ILDR1: variants seen among roughly 807,000 people sequenced by gnomAD.
ILDR1 encodes the protein immunoglobulin like domain containing receptor 1.
Under a neutral mutation model 62.4 loss-of-function variants are expected in ILDR1, and 56 were observed. The ratio of observed to expected loss-of-function variants is 0.90; its 90% CI spans 0.72 to 1.12. The LOEUF (loss-of-function observed/expected upper bound fraction) is 1.12, where lower values mean the gene tolerates loss of function less well. Ranked by LOEUF, ILDR1 falls within the 50% of genes most tolerant of loss-of-function variation. The pLI is 0.00. For missense variants in ILDR1, 736 were observed against 710.6 expected (o/e 1.04, Z -0.41); for synonymous variants, 284 against 277.8 (o/e 1.02, Z -0.22).
the ILDR1 span, among the ~76,000 whole-genome samples, chr3:122,041,874 C>G: frequency 1.3e-5 from 2 of 149,324 alleles, no homozygotes; most frequent in Non-Finnish European, 1.5e-5. Flanking sequence ...AATGTTACTT[C>G]TTCCTTTCCA....
intron 1 of ILDR1, among the ~76,000 whole-genome samples, chr3:122,020,087 G>T (rs2071834229): frequency 6.6e-6 from 1 of 152,166 alleles, no homozygotes; most frequent in Admixed American, 6.5e-5. Context: ...TGTTACTATA[G>T]CTCACATTTC....
At chr3:121,996,893 T>G (rs951662782) in intron 5 of ILDR1, among the ~76,000 whole-genome samples, 3 of 152,170 alleles carry the variant, frequency 2.0e-5, no homozygotes, top group Non-Finnish European at 4.4e-5. Context: ...TTTTGTTTTT[T>G]TTGTTGTTGT....
chr3:122,009,090 T>C (rs2071663803), intron 1 of ILDR1, among the ~76,000 whole-genome samples: 1 of 151,886 alleles, frequency 6.6e-6, no homozygotes, highest in Non-Finnish European at 1.5e-5. Flanking sequence ...TGCACCACCA[T>C]GCCTGACTTT....
At chr3:122,011,819 A>G (rs2071708660) in intron 1 of ILDR1, among the ~76,000 whole-genome samples, 1 of 151,852 alleles carries the variant, frequency 6.6e-6, no homozygotes, top group Admixed American at 6.6e-5. Context: ...TGGTCTCTAA[A>G]TCTCACAAAC....
At chr3:122,047,350 C>T in the ILDR1 span, among the ~76,000 whole-genome samples, 2 of 152,240 alleles carry the variant, frequency 1.3e-5, no homozygotes, top group South Asian at 2.1e-4. Context: ...CTTAAGTCTG[C>T]AGAGGTTACT....
At chr3:122,017,895 G>C (rs2071798891) in intron 1 of ILDR1, among the ~76,000 whole-genome samples, 1 of 152,206 alleles carries the variant, frequency 6.6e-6, no homozygotes, top group African/African-American at 2.4e-5. Context: ...GGAAACAACA[G>C]ATGCGGGAGA....
chr3:121,999,756 G>A (rs1408415961), intron 5 of ILDR1, among the ~76,000 whole-genome samples: 4 of 152,204 alleles, frequency 2.6e-5, no homozygotes, highest in East Asian at 1.9e-4. Flanking sequence ...TGGCCATGAC[G>A]GGATGGGAGG....
the ILDR1 span, among the ~76,000 whole-genome samples, chr3:122,028,286 C>T: frequency 7.5e-5 from 11 of 147,444 alleles, no homozygotes; most frequent in East Asian, 4.0e-4. Context: ...CAGTGAGCCG[C>T]GATCGCACCA....
chr3:121,999,215 T>C (rs1411846784), intron 5 of ILDR1, among the ~76,000 whole-genome samples: 1 of 152,196 alleles, frequency 6.6e-6, no homozygotes, highest in Non-Finnish European at 1.5e-5. Flanking sequence ...AAAATTTCCT[T>C]TCAAATGGAT....
the ILDR1 span, among the ~76,000 whole-genome samples, chr3:122,042,698 CT>C: frequency 6.6e-6 from 1 of 152,200 alleles, no homozygotes. Flanking sequence ...TGTTTCTTGG[CT>C]GCATAAATGT....
the ILDR1 span, among the ~76,000 whole-genome samples, chr3:122,054,784 T>G: frequency 1.3e-4 from 20 of 152,226 alleles, no homozygotes. Flanking sequence ...GGACATCTAT[T>G]AATTTTATAA....
the ILDR1 span, among the ~76,000 whole-genome samples, chr3:122,057,572 A>T: frequency 6.6e-6 from 1 of 152,216 alleles, no homozygotes; most frequent in Non-Finnish European, 1.5e-5. Context: ...TTCAATTTGA[A>T]TCCCATCTGT....
At chr3:122,041,567 T>C in the ILDR1 span, among the ~76,000 whole-genome samples, 1 of 152,332 alleles carries the variant, frequency 6.6e-6, no homozygotes, top group African/African-American at 2.4e-5. Context: ...TTTATCTTTG[T>C]CTTCTTAATT....
At chr3:122,012,716 C>T (rs1401532632) in intron 1 of ILDR1, among the ~76,000 whole-genome samples, 2 of 152,162 alleles carry the variant, frequency 1.3e-5, no homozygotes, top group African/African-American at 4.8e-5. Context: ...TATAGACATT[C>T]AACAAACCTA....
intron 5 of ILDR1, among the ~76,000 whole-genome samples, chr3:121,995,539 A>G (rs1286777550): frequency 6.6e-6 from 1 of 152,172 alleles, no homozygotes; most frequent in Non-Finnish European, 1.5e-5. Context: ...GTCCCCAGAA[A>G]TGTCCGGAGC....
intron 5 of ILDR1, among the ~76,000 whole-genome samples, chr3:122,000,815 T>C (rs1318193910): frequency 6.6e-6 from 1 of 152,192 alleles, no homozygotes; most frequent in Non-Finnish European, 1.5e-5. Context: ...TTATAGGACA[T>C]TCAGTTGGTG....
the ILDR1 span, among the ~76,000 whole-genome samples, chr3:122,038,043 C>G: frequency 5.3e-5 from 8 of 152,188 alleles, no homozygotes; most frequent in Middle Eastern, 0.01. Context: ...TTTCCTGAGG[C>G]CTGCCAGCCA....
At chr3:122,026,350 T>G (rs1422095835), upstream of ILDR1, among the ~76,000 whole-genome samples, 4 of 152,036 alleles carry the variant, frequency 2.6e-5, no homozygotes, top group African/African-American at 9.7e-5. Flanking sequence ...CAATAACTGG[T>G]GTTGGAAATG....
At chr3:122,052,308 C>T in the ILDR1 span, among the ~76,000 whole-genome samples, 4 of 152,144 alleles carry the variant, frequency 2.6e-5, no homozygotes, top group Non-Finnish European at 5.9e-5. Context: ...ATCCTATGGG[C>T]ATCTCCCCAT....
Sources: gnomAD v4.1 joint callset for allele counts (sites outside exome capture counted in the v4.1 genomes callset) on GRCh38, gnomAD v4.1.1 for gene constraint, MANE v1.5 for transcripts, NCBI Gene and HGNC (gene_info 2026-07-23, HGNC 2026-07-21) for gene names.